The following CD6 variants were observed in gnomAD, a reference collection of about 807,000 sequenced individuals.
The protein encoded by CD6 is CD6 molecule, also known as T-cell differentiation antigen CD6.
Under a neutral mutation model 75.3 loss-of-function variants are expected in CD6, and 53 were observed. The ratio of observed to expected loss-of-function variants is 0.70; its 90% CI spans 0.56 to 0.88. The LOEUF (loss-of-function observed/expected upper bound fraction) is 0.88. Ranked by LOEUF, CD6 falls within the 40% of genes least tolerant of loss-of-function variation. CD6 has a pLI of 0.00. For synonymous variants in CD6, 359 were observed against 381.5 expected (o/e 0.94, Z 0.69); for missense variants, 770 against 897.1 (o/e 0.86, Z 1.81).
intron 1 of CD6, among the ~76,000 whole-genome samples, chr11:60,976,734 T>C (rs1275333596): frequency 2.0e-5 from 3 of 152,224 alleles, no homozygotes; most frequent in Non-Finnish European, 4.4e-5. Flanking sequence ...GATGCGCTTG[T>C]GCCCTTTTTG....
rs376601820 is a variant in CD6, at chr11:61,017,806, C to T, written c.1630C>T (p.His544Tyr). ...CCACATCCCAACTGCCAACCCTGGA[C>T]ACTGCATTACAGACCCGCCATCCCT... is the stretch of plus-strand genomic sequence containing the variant. The part of the protein sequence containing the change: ...ASHIPTANPG[H>Y]CITDPPSLGP... The change falls in exon 11 of 13, where the codon CAC (histidine) becomes TAC (tyrosine). Residue 544 changes from histidine (H) to tyrosine (Y), a missense_variant. Coordinates refer to ENST00000313421, the MANE Select transcript of CD6 (RefSeq NM_006725.5). The T allele has an allele frequency of 1.2e-6, 2 of 1,614,024 alleles. No homozygotes were observed. The highest frequency in any genetic ancestry group is 2.7e-5 in the African/African-American group (2 of 74,898).
rs1236557528 is a variant in CD6, at chr11:61,007,972, C to G, written c.469+62C>G. ...CCACTCCCCAGGCCTTCAGCCACTGCCCCTGGCTCCAGACCCTGGACGCAA... is the reference window on the plus strand; with the variant it reads ...CCACTCCCCAGGCCTTCAGCCACTGGCCCTGGCTCCAGACCCTGGACGCAA... On this transcript the variant is annotated intron_variant, in intron 3 of 12. Coordinates refer to ENST00000313421, the MANE Select transcript of CD6 (RefSeq NM_006725.5). The surrounding 1 kb of genome is among the most constrained non-coding windows in gnomAD (Gnocchi z 4.2). 10 of 1,110,404 alleles carry G rather than the reference C, an allele frequency of 9.0e-6. No individual in the cohort carries two copies. Among genetic ancestry groups the G allele is most frequent in the Non-Finnish European group, 1.2e-5 (10 of 857,606 alleles). The allele number at this position is 1,110,404 out of a possible 1,614,324, so 68.8% of individuals were successfully genotyped here.
chr11:61,008,483 C>G, intron 3 of CD6, 51 bp from the exon 4 acceptor site: 1 of 1,484,034 alleles, frequency 6.7e-7, no homozygotes, highest in Non-Finnish European at 9.1e-7. Flanking sequence ...CACCCCAACC[C>G]TCCCTTCCTG....
intron 9 of CD6, among the ~76,000 whole-genome samples, chr11:61,016,087 C>T (rs1859391668): frequency 6.6e-6 from 1 of 152,214 alleles, no homozygotes; most frequent in African/African-American, 2.4e-5. Flanking sequence ...TGTCTCTGGC[C>T]ACGTAAGGTC....
intron 9 of CD6, among the ~76,000 whole-genome samples, 171 bp downstream of exon 9, chr11:61,016,006 G>A (rs545802961): frequency 5.9e-5 from 9 of 152,358 alleles, no homozygotes; most frequent in South Asian, 4.1e-4. Flanking sequence ...CGTTTGCACC[G>A]TGCTTTGTGA....
intron 1 of CD6, 142 bp from the exon 2 acceptor site, chr11:61,006,432 C>T: frequency 3.1e-6 from 2 of 641,360 alleles, no homozygotes; most frequent in Non-Finnish European, 5.5e-6. Flanking sequence ...GCCAATGCAC[C>T]CAAAGTTGAG....
chr11:60,992,617 C>A (rs1015563066), intron 1 of CD6, among the ~76,000 whole-genome samples: 4 of 151,956 alleles, frequency 2.6e-5, no homozygotes, highest in African/African-American at 9.7e-5. Flanking sequence ...TACCTGAGGT[C>A]AGGAGTTCAA....
rs1859449896 is a variant in CD6 at position 61,017,361 on chromosome 11, G to A, written c.1511-118G>A. ...AAATGCTAAGCCCTCTCTGCCTCCG[G>A]AGTTGTCCTCCCACCCTATTCAGCC... is the stretch of plus-strand genomic sequence containing the variant. On this transcript the variant is annotated intron_variant, in intron 9 of 12. Coordinates refer to ENST00000313421, the MANE Select transcript of CD6 (RefSeq NM_006725.5). 9 of 721,310 alleles carry A rather than the reference G, an allele frequency of 1.2e-5. No homozygotes were observed. The East Asian group carries it at 2.4e-4, about 19-fold the overall frequency. 44.7% of individuals were successfully genotyped at this position (721,310 alleles called of 1,614,324 possible). A position where few individuals can be genotyped will look rare whatever the true frequency, so the allele number is the denominator to read the frequency against.
chr11:60,976,323 T>C (rs61899204), intron 1 of CD6, among the ~76,000 whole-genome samples: 4,092 of 152,360 alleles, frequency 0.027, 92 homozygotes, highest in Non-Finnish European at 0.042. Context: ...CTCTTAAATA[T>C]TCTAATGTTT....
rs543232742 is a variant in CD6, at chr11:61,012,305, G to T, written c.1151-1118G>T. ...GGGCAAAGAGTGAAGCACAAAGAGA[G>T]ATCCAGGGACCACACCCCGGCCCTT... On this transcript the variant is annotated intron_variant, in intron 6 of 12. Transcript: ENST00000313421. Among the ~76,000 whole-genome samples the T allele has an allele frequency of 2.0e-5, 3 of 152,326 alleles. No individual in the cohort carries two copies. The East Asian group carries it at 5.8e-4, about 29-fold the overall frequency.
chr11:61,009,849 G>A lies in CD6; in HGVS notation c.1059G>A (p.Ser353=), dbSNP rs777296672. The A allele has an allele frequency of 2.2e-5, 35 of 1,565,076 alleles. No homozygotes were observed. The highest frequency in any genetic ancestry group is 1.8e-4 in the East Asian group (8 of 44,140). ...ACAACTCCAACCTCTGCAGCCAGTCGCTGGCAGCCAGGGTCCTCTGCTCAG... is the reference window on the plus strand; with the variant it reads ...ACAACTCCAACCTCTGCAGCCAGTCACTGGCAGCCAGGGTCCTCTGCTCAG... The part of the protein sequence containing the change: ...RFNNSNLCSQ[S]LAARVLCSAS... Residue 353 remains serine, a synonymous_variant, in exon 5 of 13, where the codon TCG becomes TCA. Coordinates refer to ENST00000313421, the MANE Select transcript of CD6 (RefSeq NM_006725.5).
At chr11:60,992,660 T>C (rs1283000693) in intron 1 of CD6, among the ~76,000 whole-genome samples, 1 of 151,768 alleles carries the variant, frequency 6.6e-6, no homozygotes, top group Non-Finnish European at 1.5e-5. Flanking sequence ...AAACCCGGTC[T>C]CTACTAAAAA....
At chr11:60,973,332 C>G (rs1359731560) in intron 1 of CD6, among the ~76,000 whole-genome samples, 1 of 152,220 alleles carries the variant, frequency 6.6e-6, no homozygotes, top group Non-Finnish European at 1.5e-5. Context: ...TCAGGGAGGT[C>G]AAACAAAGTA....
intron 1 of CD6, among the ~76,000 whole-genome samples, chr11:60,997,387 A>AG (rs1274974932): frequency 6.6e-6 from 1 of 150,560 alleles, no homozygotes. Flanking sequence ...TCAAAAAAAA[A>AG]AAAAATAAAA....
chr11:60,972,795 G>C (rs577099849), intron 1 of CD6, among the ~76,000 whole-genome samples: 11 of 152,132 alleles, frequency 7.2e-5, no homozygotes, highest in Non-Finnish European at 1.5e-5. Context: ...CAGTCAGGAG[G>C]GGGCATCGAG....
In CD6 at chr11:60,988,373, G is replaced by A. The variant is rs573520903; in HGVS notation, c.49+16459G>A. Among the ~76,000 whole-genome samples, 6 of 152,324 alleles carry A rather than the reference G, an allele frequency of 3.9e-5. No individual in the cohort carries two copies. In the South Asian group the frequency reaches 1.0e-3, roughly 26 times the overall value. Reference sequence around the variant, plus strand: ...ACGTAGATCCACATGGCCATTGGCCGCTGTCAGCCCCCAGCTGTTAAGGAC... The same window carrying A: ...ACGTAGATCCACATGGCCATTGGCCACTGTCAGCCCCCAGCTGTTAAGGAC... On this transcript the variant is annotated intron_variant, in intron 1 of 12. Transcript: ENST00000313421.
chr11:61,012,950 C>A (rs1260596062), intron 6 of CD6, among the ~76,000 whole-genome samples: 1 of 152,156 alleles, frequency 6.6e-6, no homozygotes, highest in Non-Finnish European at 1.5e-5. Flanking sequence ...TGTAGGGCCT[C>A]ATGCCCCCAG....
In CD6 at chr11:61,020,302, G is replaced by A; in HGVS notation, c.*984G>A. ...AACGTCTCCGTGCAGCCCCCAGAGAGAGGCCCATGGGCTCAGACCAGGCTT... is the reference window on the plus strand; with the variant it reads ...AACGTCTCCGTGCAGCCCCCAGAGAAAGGCCCATGGGCTCAGACCAGGCTT... On this transcript the variant is annotated 3_prime_UTR_variant, in exon 13 of 13. Coordinates refer to ENST00000313421, the MANE Select transcript of CD6 (RefSeq NM_006725.5). 1 of 399,082 alleles carries A rather than the reference G, an allele frequency of 2.5e-6. No individual in the cohort carries two copies. Among genetic ancestry groups the A allele is most frequent in the Non-Finnish European group, 4.4e-6 (1 of 226,086 alleles). 24.7% of individuals were successfully genotyped at this position (399,082 alleles called of 1,614,324 possible).
chr11:60,980,912 C>T (rs1371764058), intron 1 of CD6, among the ~76,000 whole-genome samples: 1 of 152,080 alleles, frequency 6.6e-6, no homozygotes, highest in Non-Finnish European at 1.5e-5. Flanking sequence ...GGACAGCCTA[C>T]GAGGGCCCGG....
Sources: allele counts gnomAD v4.1 joint callset (sites outside exome capture counted in the v4.1 genomes callset), GRCh38; gene constraint gnomAD v4.1.1; non-coding constraint Gnocchi (gnomAD v3.1); transcripts MANE v1.5; gene names NCBI Gene and HGNC (gene_info 2026-07-23, HGNC 2026-07-21).